MAGI1: variants seen among roughly 807,000 people sequenced by gnomAD.
The protein encoded by MAGI1 is membrane associated guanylate kinase, WW and PDZ domain containing 1.
MAGI1 carries 58 observed loss-of-function variants against 139.9 expected under a neutral mutation model. The observed-to-expected ratio is 0.41, with a 90% CI of 0.34 to 0.52. The LOEUF is 0.52. MAGI1 is among the 20% of genes least tolerant of loss of function. The pLI, the probability that MAGI1 is intolerant of heterozygous loss-of-function variation, is 0.12. For missense variants in MAGI1, 1,874 were observed against 1,901.6 expected, an observed-to-expected ratio of 0.99 and a Z score of 0.27; for synonymous variants, 812 against 737.9, an observed-to-expected ratio of 1.10 and a Z score of -1.63.
intron 12 of MAGI1, among the ~76,000 whole-genome samples, chr3:65,406,676 T>C (rs976704214): frequency 5.1e-5 from 7 of 137,594 alleles, no homozygotes; most frequent in Admixed American, 4.5e-4. Context: ...GCAAGGCAAA[T>C]GTTGCAATAA....
At chr3:65,386,417 A>C (rs1015098331) in intron 14 of MAGI1, among the ~76,000 whole-genome samples, 76 of 152,348 alleles carry the variant, frequency 5.0e-4, no homozygotes, top group African/African-American at 1.7e-3. Flanking sequence ...ACACGTTACA[A>C]AGAAAGTCTT....
intron 1 of MAGI1, among the ~76,000 whole-genome samples, chr3:65,776,247 C>CTTT (rs5849693): frequency 0.014 from 2,039 of 141,524 alleles, 45 homozygotes; most frequent in African/African-American, 0.043. Context: ...AGTTGGGTTT[C>CTTT]TTTTTTTTTT....
chr3:65,518,775 A>T (rs57805083), intron 2 of MAGI1, among the ~76,000 whole-genome samples: 29,790 of 152,042 alleles, frequency 0.2, 2,992 homozygotes, highest in South Asian at 0.28. Context: ...CAGCAAAAAA[A>T]AAATAAATAA....
intron 1 of MAGI1, among the ~76,000 whole-genome samples, chr3:65,759,411 C>T (rs1187757009): frequency 6.6e-6 from 1 of 152,134 alleles, no homozygotes; most frequent in Non-Finnish European, 1.5e-5. Flanking sequence ...AAGAAGCACT[C>T]AACTAGAAAA....
rs940919337 is a variant in MAGI1 at position 65,518,445 on chromosome 3, C to A, written c.431-24814G>T. ...GATTTTTCGTGGAAATAAAGGTACA[C>A]TGGGGCTTAACTTCACGAGAAAATA... is the stretch of plus-strand genomic sequence containing the variant. On this transcript the variant is annotated intron_variant, in intron 2 of 22. Coordinates refer to ENST00000402939, the MANE Select transcript of MAGI1 (RefSeq NM_001033057.2). Among the ~76,000 whole-genome samples the A allele has an allele frequency of 2.0e-5, 3 of 152,150 alleles. 1 individual carries two copies. In the South Asian group the frequency reaches 6.2e-4, roughly 32 times the overall value.
intron 1 of MAGI1, among the ~76,000 whole-genome samples, chr3:65,727,749 G>A (rs1252373013): frequency 6.6e-6 from 1 of 152,104 alleles, no homozygotes; most frequent in Non-Finnish European, 1.5e-5. Flanking sequence ...CTAGGCACTG[G>A]GACACCCAGT....
At chr3:65,617,992 G>A (rs534213511) in intron 2 of MAGI1, among the ~76,000 whole-genome samples, 3 of 152,282 alleles carry the variant, frequency 2.0e-5, no homozygotes, top group East Asian at 1.9e-4. Context: ...GTCACGGAGT[G>A]CAGCTTGGGG....
chr3:65,508,066 T>G (rs1314509542), intron 2 of MAGI1, among the ~76,000 whole-genome samples: 1 of 152,228 alleles, frequency 6.6e-6, no homozygotes, highest in Non-Finnish European at 1.5e-5. Context: ...GAATACTATA[T>G]GAGGTATCAA....
chr3:65,890,588 C>A (rs115980954), intron 1 of MAGI1, among the ~76,000 whole-genome samples: 25 of 152,332 alleles, frequency 1.6e-4, no homozygotes, highest in African/African-American at 5.8e-4. Context: ...AACATTCCAA[C>A]TTTAACACCA....
chr3:65,556,958 C>G (rs1408099156), intron 2 of MAGI1, among the ~76,000 whole-genome samples: 3 of 152,196 alleles, frequency 2.0e-5, no homozygotes, highest in Admixed American at 1.3e-4. Flanking sequence ...ATTCCATGCT[C>G]TGACCACCTG....
chr3:65,527,173 T>C (rs1215084005), intron 2 of MAGI1, among the ~76,000 whole-genome samples: 1 of 152,216 alleles, frequency 6.6e-6, no homozygotes, highest in Non-Finnish European at 1.5e-5. Flanking sequence ...CAGTGGCTCC[T>C]TTTAGGAAGC....
chr3:65,635,917 T>C (rs755529700), intron 1 of MAGI1, among the ~76,000 whole-genome samples: 2 of 152,224 alleles, frequency 1.3e-5, no homozygotes, highest in African/African-American at 2.4e-5. Context: ...CAGTATAGCA[T>C]GCCACTTCAA....
chr3:65,949,532 T>C (rs1032161216), intron 1 of MAGI1, among the ~76,000 whole-genome samples: 6 of 152,242 alleles, frequency 3.9e-5, no homozygotes, highest in Non-Finnish European at 7.3e-5. Flanking sequence ...TCACAAGCCC[T>C]AGCACAGTAT....
intron 1 of MAGI1, among the ~76,000 whole-genome samples, chr3:65,813,722 A>C (rs2041428091): frequency 6.6e-6 from 1 of 152,230 alleles, no homozygotes; most frequent in Non-Finnish European, 1.5e-5. Context: ...CTTAGGGTAC[A>C]CAGATGTTTA....
chr3:65,808,933 G>C (rs532432418), intron 1 of MAGI1, among the ~76,000 whole-genome samples: 2 of 152,226 alleles, frequency 1.3e-5, no homozygotes, highest in African/African-American at 2.4e-5. Context: ...TGTCTCCATG[G>C]GTAATCTAAA....
chr3:65,413,540 T>A (rs2107214751), intron 12 of MAGI1, among the ~76,000 whole-genome samples: 1 of 152,276 alleles, frequency 6.6e-6, no homozygotes, highest in East Asian at 1.9e-4. Flanking sequence ...GTCTTCAAAA[T>A]CCTCTTGCTG....
At chr3:65,879,686 T>C (rs1424500150) in intron 1 of MAGI1, among the ~76,000 whole-genome samples, 1 of 152,206 alleles carries the variant, frequency 6.6e-6, no homozygotes, top group East Asian at 1.9e-4. Flanking sequence ...TTGAAGTTGA[T>C]AGTCTAGGTA....
intron 1 of MAGI1, among the ~76,000 whole-genome samples, chr3:66,014,845 C>G (rs2067535637): frequency 6.6e-6 from 1 of 152,118 alleles, no homozygotes; most frequent in South Asian, 2.1e-4. Context: ...AATTTTCCTG[C>G]CTCCAGGCCT....
intron 1 of MAGI1, among the ~76,000 whole-genome samples, chr3:65,966,476 T>C (rs758994182): frequency 3.9e-5 from 6 of 152,134 alleles, no homozygotes; most frequent in Admixed American, 1.3e-4. Context: ...AATTTCTGCA[T>C]CTTGCGACTG....
Sources: gnomAD v4.1 joint callset for allele counts (sites outside exome capture counted in the v4.1 genomes callset) on GRCh38, gnomAD v4.1.1 for gene constraint, MANE v1.5 for transcripts, NCBI Gene and HGNC (gene_info 2026-07-23, HGNC 2026-07-21) for gene names.